Variants in SGCZ observed in about 807,000 individuals in gnomAD.
SGCZ encodes the protein zeta-sarcoglycan.
Under a neutral mutation model 41.3 loss-of-function variants are expected in SGCZ, and 40 were observed. The observed-to-expected ratio is 0.97, with a 90% CI of 0.75 to 1.26. SGCZ has a LOEUF of 1.26. SGCZ is among the 50% of genes most tolerant of loss of function. The probability of loss-of-function intolerance (pLI) is 0.00; values close to 1 mark genes in which losing one functional copy is unlikely to be tolerated. For synonymous variants in SGCZ, 206 were observed against 137.5 expected (o/e 1.50, Z -3.49); for missense variants, 552 against 369.8 (o/e 1.49, Z -4.04).
intron 2 of SGCZ, among the ~76,000 whole-genome samples, chr8:14,442,204 G>A (rs1478220494): frequency 6.6e-6 from 1 of 152,186 alleles, no homozygotes; most frequent in African/African-American, 2.4e-5. Context: ...ATTCCCATGT[G>A]TCATGGGAGG....
chr8:15,083,433 T>A (rs1654601596), intron 1 of SGCZ, among the ~76,000 whole-genome samples: 1 of 152,200 alleles, frequency 6.6e-6, no homozygotes. Flanking sequence ...AATTAAAAAT[T>A]TCCTTTAATT....
intron 2 of SGCZ, among the ~76,000 whole-genome samples, chr8:14,541,164 G>A (rs556260468): frequency 2.0e-5 from 3 of 151,574 alleles, no homozygotes; most frequent in Admixed American, 6.6e-5. Context: ...TTTAAGTTCC[G>A]GGATACAGGT....
At chr8:15,035,702 A>C (rs1803851389) in intron 1 of SGCZ, among the ~76,000 whole-genome samples, 1 of 152,264 alleles carries the variant, frequency 6.6e-6, no homozygotes, top group South Asian at 2.1e-4. Context: ...CGCTTCAGTA[A>C]AATAAAATTG....
chr8:14,094,230 T>C (rs1306296280), intron 7 of SGCZ, among the ~76,000 whole-genome samples: 1 of 152,052 alleles, frequency 6.6e-6, no homozygotes, highest in Non-Finnish European at 1.5e-5. Flanking sequence ...GCCATGGTGG[T>C]TTGCTGCACC....
chr8:14,358,917 T>A (rs1407278953), intron 2 of SGCZ, among the ~76,000 whole-genome samples: 1 of 152,170 alleles, frequency 6.6e-6, no homozygotes, highest in Non-Finnish European at 1.5e-5. Flanking sequence ...CCAGGTATAG[T>A]ATTCTTTAAG....
intron 1 of SGCZ, among the ~76,000 whole-genome samples, chr8:15,140,568 A>G (rs1808281590): frequency 6.6e-6 from 1 of 152,166 alleles, no homozygotes; most frequent in Non-Finnish European, 1.5e-5. Flanking sequence ...TAGTAATAAT[A>G]ATAATACCAA....
chr8:14,402,429 GTTTAAGTC>G (rs1799104049), intron 2 of SGCZ, among the ~76,000 whole-genome samples: 1 of 151,722 alleles, frequency 6.6e-6, no homozygotes, highest in African/African-American at 2.4e-5. Flanking sequence ...TAGGTCGAAC[GTTTAAGTC>G]TTTAATCCAT....
intron 4 of SGCZ, among the ~76,000 whole-genome samples, chr8:14,227,349 A>C (rs1447790920): frequency 1.3e-5 from 2 of 152,102 alleles, no homozygotes; most frequent in African/African-American, 2.4e-5. Flanking sequence ...GGGAAGGGTA[A>C]AGGAAGGAAA....
chr8:14,163,468 C>A (rs1368333365), intron 5 of SGCZ, among the ~76,000 whole-genome samples: 1 of 152,062 alleles, frequency 6.6e-6, no homozygotes, highest in East Asian at 1.9e-4. Context: ...TTCTTGAAAT[C>A]AACACAGGCC....
intron 1 of SGCZ, among the ~76,000 whole-genome samples, chr8:14,555,213 C>G: frequency 6.6e-6 from 1 of 151,970 alleles, no homozygotes. Flanking sequence ...TTGGGAGGCT[C>G]AGGTCTACCT....
chr8:14,093,247 C>T (rs913252067), intron 7 of SGCZ, among the ~76,000 whole-genome samples: 70 of 151,752 alleles, frequency 4.6e-4, no homozygotes, highest in African/African-American at 1.7e-3. Flanking sequence ...CTGTGATAGT[C>T]CCCTATCTGG....
intron 1 of SGCZ, among the ~76,000 whole-genome samples, chr8:14,895,777 C>A (rs900905713): frequency 5.3e-5 from 8 of 152,136 alleles, no homozygotes; most frequent in African/African-American, 1.7e-4. Context: ...TGGTTCCCAG[C>A]CCAAGCTACA....
intron 2 of SGCZ, among the ~76,000 whole-genome samples, chr8:14,449,800 G>C (rs1396221431): frequency 2.0e-5 from 3 of 152,106 alleles, no homozygotes; most frequent in Non-Finnish European, 4.4e-5. Context: ...TTTTGGCTTT[G>C]GGAACAAAGT....
At chr8:14,226,343 C>T (rs1184351803) in intron 4 of SGCZ, among the ~76,000 whole-genome samples, 1 of 152,044 alleles carries the variant, frequency 6.6e-6, no homozygotes, top group Non-Finnish European at 1.5e-5. Context: ...AAATATAGGA[C>T]AGGTTCATCA....
chr8:14,239,587 C>T (rs562519990), intron 3 of SGCZ, among the ~76,000 whole-genome samples: 5 of 152,048 alleles, frequency 3.3e-5, no homozygotes, highest in African/African-American at 1.2e-4. Context: ...ACACCATAAG[C>T]ATTTGTATAT....
intron 3 of SGCZ, among the ~76,000 whole-genome samples, chr8:14,255,857 C>T (rs1432100179): frequency 1.3e-5 from 2 of 152,024 alleles, no homozygotes; most frequent in Non-Finnish European, 2.9e-5. Context: ...CCATCAAAAA[C>T]CCTATCACAT....
chr8:15,038,075 T>C (rs191903365), intron 1 of SGCZ, among the ~76,000 whole-genome samples: 142 of 135,846 alleles, frequency 1.0e-3, no homozygotes, highest in African/African-American at 3.7e-3. Flanking sequence ...AAAATTTCAG[T>C]GACGTTTTTA....
chr8:14,104,665 T>C (rs1802146461), intron 6 of SGCZ, among the ~76,000 whole-genome samples: 1 of 152,224 alleles, frequency 6.6e-6, no homozygotes, highest in South Asian at 2.1e-4. Flanking sequence ...AATTTACCCC[T>C]TTATTGAGGA....
At chr8:14,995,065 T>A (rs1349645644) in intron 1 of SGCZ, among the ~76,000 whole-genome samples, 3 of 152,252 alleles carry the variant, frequency 2.0e-5, no homozygotes, top group Non-Finnish European at 2.9e-5. Flanking sequence ...TAGGACATAC[T>A]GTTTGAAGTC....
Sources: allele counts gnomAD v4.1 joint callset (sites outside exome capture counted in the v4.1 genomes callset), GRCh38; gene constraint gnomAD v4.1.1; transcripts MANE v1.5; gene names NCBI Gene and HGNC (gene_info 2026-07-23, HGNC 2026-07-21).